Variants in PRUNE2 observed in about 807,000 individuals in gnomAD.
The protein encoded by PRUNE2 is protein prune homolog 2.
In PRUNE2, 164 loss-of-function variants were observed where a neutral mutation model predicts 252.0. That is an observed-to-expected ratio of 0.65 (90% CI 0.57 to 0.74). PRUNE2 has a LOEUF of 0.74. Ranked by LOEUF, PRUNE2 falls within the 30% of genes least tolerant of loss-of-function variation. PRUNE2 has a pLI of 0.00. For missense variants in PRUNE2, 3,495 were observed against 3,711.0 expected (o/e 0.94, Z 1.51); for synonymous variants, 1,292 against 1,350.2 (o/e 0.96, Z 0.94).
chr9:76,707,030 C>G lies in PRUNE2; in HGVS notation c.5244G>C (p.Glu1748Asp). 1.2e-6 allele frequency: 2 copies of G among 1,613,986 alleles called. No individual in the cohort carries two copies. Among genetic ancestry groups the G allele is most frequent in the Non-Finnish European group, 1.7e-6 (2 of 1,179,876 alleles). ...YDYLDSSEPAENENKSNPFCD... is the reference protein window; with the variant it reads ...YDYLDSSEPADNENKSNPFCD... ...AGAATGGGTTTGACTTATTCTCATT[C>G]TCTGCTGGCTCTGAGCTGTCTAGGT... The change falls in exon 8 of 19, where the codon GAG (glutamate) becomes GAC (aspartate). Residue 1748 changes from glutamate to aspartate, a missense_variant. Coordinates refer to ENST00000376718, the MANE Select transcript of PRUNE2 (RefSeq NM_015225.3).
intron 9 of PRUNE2, among the ~76,000 whole-genome samples, chr9:76,658,937 T>G (rs1245763233): frequency 1.3e-5 from 2 of 152,216 alleles, no homozygotes; most frequent in Non-Finnish European, 2.9e-5. Context: ...CTGTCCCCTT[T>G]GAAGTTAGGG....
At chr9:76,820,678 C>A (rs1328340077) in intron 6 of PRUNE2, among the ~76,000 whole-genome samples, 5 of 152,188 alleles carry the variant, frequency 3.3e-5, no homozygotes, top group Admixed American at 1.3e-4. Context: ...AACGACTTTG[C>A]AAAGCCTCCC....
At chr9:76,848,365 T>C (rs2059779407) in intron 3 of PRUNE2, among the ~76,000 whole-genome samples, 1 of 152,238 alleles carries the variant, frequency 6.6e-6, no homozygotes, top group Admixed American at 6.5e-5. Context: ...CCGGAACTTT[T>C]AGCCACGTGT....
intron 6 of PRUNE2, among the ~76,000 whole-genome samples, chr9:76,799,242 G>A (rs1428766075): frequency 6.6e-6 from 1 of 151,820 alleles, no homozygotes; most frequent in Non-Finnish European, 1.5e-5. Flanking sequence ...TCCAAAGGCT[G>A]AGGCAGGAGA....
rs1187668751 is a variant in PRUNE2, at chr9:76,629,255, C to G, written c.9086G>C (p.Ser3029Thr). Reference sequence around the variant, plus strand: ...GATCAGCCCACTGAGTTCTGATAAGCTATTGACATATTTAATTTTACTGCT... The same window carrying G: ...GATCAGCCCACTGAGTTCTGATAAGGTATTGACATATTTAATTTTACTGCT... ...KFSSKIKYVNSLSELSGLIPM... is the reference protein window; with the variant it reads ...KFSSKIKYVNTLSELSGLIPM... Residue 3029 changes from serine (S) to threonine (T), a missense_variant, in exon 16 of 19, where the codon AGC (serine) becomes ACC (threonine). Ser to Thr is a moderately conservative substitution (Grantham distance 58). Coordinates refer to ENST00000376718, the MANE Select transcript of PRUNE2 (RefSeq NM_015225.3). 6.3e-7 allele frequency: 1 copy of G among 1,593,006 alleles called. No homozygotes were observed. Among genetic ancestry groups the G allele is most frequent in the Non-Finnish European group, 8.5e-7 (1 of 1,170,924 alleles).
chr9:76,865,242 C>A (rs1018768423), intron 1 of PRUNE2, among the ~76,000 whole-genome samples: 2 of 152,098 alleles, frequency 1.3e-5, no homozygotes, highest in African/African-American at 4.8e-5. Context: ...CCAGTAATCC[C>A]AACACTGTGA....
chr9:76,752,814 G>A (rs1250205492), intron 6 of PRUNE2, among the ~76,000 whole-genome samples: 1 of 152,124 alleles, frequency 6.6e-6, no homozygotes, highest in Non-Finnish European at 1.5e-5. Context: ...TGATCCAGCA[G>A]TTGGTTAGGG....
chr9:76,689,657 A>AT (rs1267232246), intron 9 of PRUNE2, among the ~76,000 whole-genome samples: 1 of 151,918 alleles, frequency 6.6e-6, no homozygotes, highest in East Asian at 1.9e-4. Context: ...CCGCACCAAG[A>AT]TTTTTTTCTC....
chr9:76,757,763 A>G (rs1589049582), intron 6 of PRUNE2, among the ~76,000 whole-genome samples: 2 of 151,228 alleles, frequency 1.3e-5, no homozygotes, highest in South Asian at 4.1e-4. Flanking sequence ...CCTGGGTAAC[A>G]TGGAGAAATC....
intron 12 of PRUNE2, chr9:76,641,916 TC>T (rs1842753551): frequency 5.3e-6 from 8 of 1,517,358 alleles, no homozygotes; most frequent in Non-Finnish European, 7.0e-6. Context: ...AGCCAGCAAC[TC>T]TTCTCCTCAT....
chr9:76,866,652 C>T (rs969425790), intron 1 of PRUNE2, among the ~76,000 whole-genome samples: 1 of 150,546 alleles, frequency 6.6e-6, no homozygotes, highest in East Asian at 2.0e-4. Flanking sequence ...TCTCTGCTGA[C>T]GTATGTTTGA....
At chr9:76,675,863 A>C (rs1240347844) in intron 9 of PRUNE2, among the ~76,000 whole-genome samples, 5 of 128,534 alleles carry the variant, frequency 3.9e-5, no homozygotes, top group African/African-American at 5.5e-5. Flanking sequence ...GGAATTGAAC[A>C]ATGAGATCAC....
Position 76,704,085 on chromosome 9 carries a change from T to C in PRUNE2, c.7528A>G (p.Ile2510Val). Residue 2510 changes from isoleucine to valine, a missense_variant, in exon 9 of 19, where the codon ATA becomes GTA. Transcript: ENST00000376718. ...IGPPNGASKEISELEEEKTIP... is the reference protein window; with the variant it reads ...IGPPNGASKEVSELEEEKTIP... ...GTTTTTTCTTCTTCCAATTCTGATA[T>C]TTCCTTGCTGGCACCTAGAAGTGGA... The C allele has an allele frequency of 6.3e-7, 1 of 1,587,852 alleles. No homozygotes were observed. The highest frequency in any genetic ancestry group is 8.6e-7 in the Non-Finnish European group (1 of 1,168,702).
chr9:76,897,560 C>T (rs1386934715), intron 1 of PRUNE2, among the ~76,000 whole-genome samples: 19 of 151,804 alleles, frequency 1.3e-4, no homozygotes, highest in African/African-American at 2.4e-5. Flanking sequence ...ATTATAGATG[C>T]ACACCACCAC....
chr9:76,718,185 C>T (rs1272607948), intron 6 of PRUNE2, among the ~76,000 whole-genome samples: 1 of 152,182 alleles, frequency 6.6e-6, no homozygotes, highest in Admixed American at 6.5e-5. Flanking sequence ...TCACAATATC[C>T]TATTTTACGT....
chr9:76,772,303 A>G (rs534366778), intron 6 of PRUNE2, among the ~76,000 whole-genome samples: 50 of 152,298 alleles, frequency 3.3e-4, no homozygotes, highest in Non-Finnish European at 6.3e-4. Flanking sequence ...GGACTCTTCA[A>G]TAGTTACAAT....
chr9:76,773,412 G>A (rs1589141838), intron 6 of PRUNE2, among the ~76,000 whole-genome samples: 2 of 148,812 alleles, frequency 1.3e-5, no homozygotes, highest in Non-Finnish European at 3.0e-5. Context: ...TCATCCCGCA[G>A]TCACATCACA....
intron 1 of PRUNE2, chr9:76,862,103 C>A (rs1282712833): frequency 6.6e-6 from 1 of 152,204 alleles, no homozygotes; most frequent in Non-Finnish European, 1.5e-5. Flanking sequence ...AATCTCTTCA[C>A]CTTTCCTTTT....
At chr9:76,620,341 T>C (rs549879981) in intron 17 of PRUNE2, among the ~76,000 whole-genome samples, 2 of 152,198 alleles carry the variant, frequency 1.3e-5, no homozygotes, top group Admixed American at 6.5e-5. Context: ...GGTTTTGCCA[T>C]GTTGCCCCAG....
Sources: gnomAD v4.1 joint callset for allele counts (sites outside exome capture counted in the v4.1 genomes callset) on GRCh38, gnomAD v4.1.1 for gene constraint, MANE v1.5 for transcripts, NCBI Gene and HGNC (gene_info 2026-07-23, HGNC 2026-07-21) for gene names.